Variants in SPEF2 observed in about 807,000 individuals in gnomAD.
SPEF2 encodes sperm flagellar and cilia associated 2.
A neutral mutation model predicts 224.6 loss-of-function variants in SPEF2; 187 were observed. The ratio of observed to expected loss-of-function variants is 0.83; its 90% confidence interval spans 0.74 to 0.94. The LOEUF (loss-of-function observed/expected upper bound fraction) is 0.94, where lower values mean the gene tolerates loss of function less well. Among genes scored for constraint, SPEF2 ranks in the 40% least tolerant of loss-of-function variants. The pLI, the probability that SPEF2 is intolerant of heterozygous loss-of-function variation, is 0.00. For missense variants in SPEF2, 2,170 were observed against 2,135.6 expected, an observed-to-expected ratio of 1.02 and a Z score of -0.32; for synonymous variants, 715 against 707.3, an observed-to-expected ratio of 1.01 and a Z score of -0.17.
At chr5:35,669,044 G>T (rs2149476303) in intron 9 of SPEF2, among the ~76,000 whole-genome samples, 1 of 152,068 alleles carries the variant, frequency 6.6e-6, no homozygotes, top group South Asian at 2.1e-4. Flanking sequence ...AACGTTGTTA[G>T]GTCTGTAGCC....
chr5:35,709,155 A>G (rs1315084643), intron 19 of SPEF2, 34 bp downstream of exon 19: 7 of 1,597,208 alleles, frequency 4.4e-6, no homozygotes, highest in Non-Finnish European at 6.0e-6. Context: ...TCCTGTTTTC[A>G]GTTTCTTATT....
At chr5:35,752,404 T>C (rs1333140261) in intron 23 of SPEF2, among the ~76,000 whole-genome samples, 1 of 152,132 alleles carries the variant, frequency 6.6e-6, no homozygotes, top group Non-Finnish European at 1.5e-5. Flanking sequence ...TCCTCCCATC[T>C]TAGCCTCCTG....
At chr5:35,626,645 C>G (rs78127201) in intron 1 of SPEF2, among the ~76,000 whole-genome samples, 2,981 of 152,248 alleles carry the variant, frequency 0.02, 57 homozygotes, top group South Asian at 0.065. Context: ...TAATTCTAGA[C>G]AGTTCAAGAG....
At chr5:35,737,957 A>C (rs1029640572) in intron 21 of SPEF2, among the ~76,000 whole-genome samples, 3 of 152,134 alleles carry the variant, frequency 2.0e-5, no homozygotes, top group Non-Finnish European at 4.4e-5. Flanking sequence ...CATTTCTCTG[A>C]TGGCCAGTGA....
chr5:35,644,557 T>C, intron 4 of SPEF2, 32 bp downstream of exon 4: 1 of 1,524,406 alleles, frequency 6.6e-7, no homozygotes, highest in Non-Finnish European at 8.9e-7. Context: ...AGAAATTCAT[T>C]AGTGCATAGT....
chr5:35,721,292 A>G (rs1317584518), intron 20 of SPEF2, among the ~76,000 whole-genome samples: 1 of 152,172 alleles, frequency 6.6e-6, no homozygotes, highest in Non-Finnish European at 1.5e-5. Flanking sequence ...TGTTTACTAA[A>G]ACACACATTT....
intron 2 of SPEF2, among the ~76,000 whole-genome samples, chr5:35,632,472 A>G (rs762743130): frequency 2.0e-4 from 31 of 152,136 alleles, no homozygotes; most frequent in Non-Finnish European, 3.4e-4. Flanking sequence ...ATCACCTCCC[A>G]CCAGGTATCT....
chr5:35,680,524 A>C (rs1053093788), intron 10 of SPEF2, among the ~76,000 whole-genome samples: 1 of 152,222 alleles, frequency 6.6e-6, no homozygotes, highest in African/African-American at 2.4e-5. Flanking sequence ...TGATTCAATA[A>C]ATAGATATTT....
intron 10 of SPEF2, among the ~76,000 whole-genome samples, chr5:35,683,112 T>A (rs1243759149): frequency 1.3e-5 from 2 of 152,088 alleles, no homozygotes; most frequent in Non-Finnish European, 2.9e-5. Flanking sequence ...TAAAAAGATA[T>A]GAGAGACTGG....
intron 10 of SPEF2, among the ~76,000 whole-genome samples, chr5:35,689,059 A>G (rs1754062079): frequency 1.3e-5 from 2 of 152,116 alleles, no homozygotes; most frequent in South Asian, 4.1e-4. Context: ...CTTCTTCTGT[A>G]CTCTAGAAGA....
intron 2 of SPEF2, among the ~76,000 whole-genome samples, chr5:35,640,142 G>A (rs1264226183): frequency 6.6e-6 from 1 of 152,148 alleles, no homozygotes; most frequent in Non-Finnish European, 1.5e-5. Context: ...GAGAGAAAGA[G>A]AAAACTCTTC....
chr5:35,812,429 CAA>C (rs151156415), intron 36 of SPEF2, among the ~76,000 whole-genome samples: 29,344 of 151,838 alleles, frequency 0.19, 3,819 homozygotes, highest in East Asian at 0.52. Context: ...AGGCCTTGTA[CAA>C]AAAAGTTATT....
intron 20 of SPEF2, among the ~76,000 whole-genome samples, chr5:35,715,041 G>A (rs1228093486): frequency 1.3e-5 from 2 of 151,818 alleles, no homozygotes; most frequent in East Asian, 1.9e-4. Flanking sequence ...CTAGCCTCCC[G>A]AGTAGCTGGG....
chr5:35,671,120 G>GT (rs1218205300), intron 10 of SPEF2: 1 of 985,174 alleles, frequency 1.0e-6, no homozygotes, highest in Non-Finnish European at 1.2e-6. Flanking sequence ...CGGAAGGTCA[G>GT]TAAGTGCAAC....
intron 14 of SPEF2, among the ~76,000 whole-genome samples, chr5:35,696,309 T>C (rs972564813): frequency 2.6e-5 from 4 of 152,192 alleles, no homozygotes; most frequent in Non-Finnish European, 4.4e-5. Context: ...TTGATTTTTT[T>C]ATTATGCATC....
At chr5:35,664,553 A>G (rs1271378868) in intron 8 of SPEF2, among the ~76,000 whole-genome samples, 1 of 151,864 alleles carries the variant, frequency 6.6e-6, no homozygotes, top group Non-Finnish European at 1.5e-5. Flanking sequence ...GATGGTGTGC[A>G]CCTGTAGTCC....
intron 10 of SPEF2, among the ~76,000 whole-genome samples, chr5:35,683,769 G>A (rs1370366146): frequency 6.6e-6 from 1 of 152,194 alleles, no homozygotes; most frequent in African/African-American, 2.4e-5. Context: ...GACCTCCTAG[G>A]TGTTGATGGA....
intron 8 of SPEF2, among the ~76,000 whole-genome samples, chr5:35,660,195 A>T (rs1476500125): frequency 6.6e-6 from 1 of 152,212 alleles, no homozygotes; most frequent in East Asian, 1.9e-4. Flanking sequence ...TTAATGGAGT[A>T]TATGGATTAC....
At chr5:35,687,985 C>A (rs1753897773) in intron 10 of SPEF2, among the ~76,000 whole-genome samples, 1 of 152,064 alleles carries the variant, frequency 6.6e-6, no homozygotes, top group African/African-American at 2.4e-5. Flanking sequence ...AAAATGGACT[C>A]TTGTTGAATA....
Sources: allele counts gnomAD v4.1 joint callset (sites outside exome capture counted in the v4.1 genomes callset), GRCh38; gene constraint gnomAD v4.1.1; transcripts MANE v1.5; gene names NCBI Gene and HGNC (gene_info 2026-07-23, HGNC 2026-07-21).